The following DCAF6 variants were observed in gnomAD, a reference collection of about 807,000 sequenced individuals.
The protein encoded by DCAF6 is DDB1 and CUL4 associated factor 6, also known as DDB1- and CUL4-associated factor 6.
A neutral mutation model predicts 125.1 loss-of-function variants in DCAF6; 54 were observed. That is an observed-to-expected ratio of 0.43 (90% CI 0.35 to 0.54). The LOEUF (loss-of-function observed/expected upper bound fraction) is 0.54. Ranked by LOEUF, DCAF6 falls within the 20% of genes least tolerant of loss-of-function variation. DCAF6 has a pLI of 0.01. For synonymous variants in DCAF6, 371 were observed against 390.4 expected (o/e 0.95, Z 0.58); for missense variants, 934 against 1,161.7 (o/e 0.80, Z 2.85).
chr1:167,914,990 C>A, the DCAF6 span, among the ~76,000 whole-genome samples: 1 of 152,098 alleles, frequency 6.6e-6, no homozygotes, highest in Non-Finnish European at 1.5e-5. Context: ...AGAATCATAC[C>A]TCATTTAATT....
Position 167,939,899 on chromosome 1 carries a change from T to C in DCAF6, c.97+2891T>C, listed in dbSNP as rs140623896. On this transcript the variant is annotated intron_variant, in intron 1 of 21. Transcript: ENST00000367840. Reference sequence around the variant, plus strand: ...CTTCAATATTTAAACATTACGATTGTCTATCTACAGGGTTGTAGATTTAAG... The same window carrying C: ...CTTCAATATTTAAACATTACGATTGCCTATCTACAGGGTTGTAGATTTAAG... Among the ~76,000 whole-genome samples, 830 of 152,362 alleles carry C rather than the reference T, an allele frequency of 5.4e-3. 8 individuals are homozygous for C. The highest frequency in any genetic ancestry group is 0.018 in the African/African-American group (756 of 41,578).
In DCAF6 at chr1:168,050,887, A is replaced by G. The variant is rs764178146; in HGVS notation, c.2259-5A>G. The stretch of plus-strand genomic sequence containing the variant: ...TGATTTCAGTTATTGTGTTCCCTTC[A>G]CTAGATTTAATATCAGAGGAACAAC... On this transcript the variant is annotated splice_polypyrimidine_tract_variant and splice_region_variant and intron_variant, in intron 16 of 21. Coordinates refer to ENST00000367840, the MANE Select transcript of DCAF6 (RefSeq NM_001198956.2). 3 of 1,352,612 alleles carry G rather than the reference A, an allele frequency of 2.2e-6. No individual in the cohort carries two copies. Among genetic ancestry groups the G allele is most frequent in the Non-Finnish European group, 2.9e-6 (3 of 1,024,834 alleles). The allele number at this position is 1,352,612 out of a possible 1,614,324, so 83.8% of individuals were successfully genotyped here.
At position 168,045,001 on chromosome 1, in the gene DCAF6, T is replaced by G. The variant is rs1688988134; in HGVS notation, c.2032T>G (p.Ser678Ala). 6.2e-7 allele frequency: 1 copy of G among 1,613,966 alleles called. No individual in the cohort carries two copies. Among genetic ancestry groups the G allele is most frequent in the Admixed American group, 1.7e-5 (1 of 59,984 alleles). ...RSCGVPEESA[S>A]SEKAKEPETS... ...TTGTGGGGTTCCAGAAGAATCTGCT[T>G]CATCTGAAAAAGCCAAGGAACCAGA... Residue 678 changes from serine (S) to alanine (A), a missense_variant, in exon 16 of 22, where the codon TCA becomes GCA. By Grantham distance (99) the Ser-to-Ala change is moderately conservative. This residue lies in a region of DCAF6 where 559 missense variants were observed against 635.5 expected (regional missense o/e 0.88). Coordinates refer to ENST00000367840, the MANE Select transcript of DCAF6 (RefSeq NM_001198956.2).
intron 11 of DCAF6, among the ~76,000 whole-genome samples, chr1:168,022,126 C>G (rs1434992627): frequency 6.6e-6 from 1 of 151,922 alleles, no homozygotes; most frequent in Non-Finnish European, 1.5e-5. Context: ...TTGCTAATTA[C>G]TGTCAGAATC....
intron 12 of DCAF6, 73 bp from the exon 13 acceptor site, chr1:168,038,298 T>C: frequency 8.9e-7 from 1 of 1,126,272 alleles, no homozygotes; most frequent in Non-Finnish European, 1.3e-6. Flanking sequence ...ATATAAGTTT[T>C]ATAAATTTTA....
chr1:167,971,456 C>A (rs186944078), intron 3 of DCAF6, among the ~76,000 whole-genome samples: 2 of 152,052 alleles, frequency 1.3e-5, no homozygotes, highest in African/African-American at 4.8e-5. Flanking sequence ...ATATTCGATA[C>A]CTCAGACAGG....
At chr1:168,044,369 G>T (rs989569147) in intron 14 of DCAF6, among the ~76,000 whole-genome samples, 2 of 152,102 alleles carry the variant, frequency 1.3e-5, no homozygotes, top group African/African-American at 4.8e-5. Context: ...CAATAACAGC[G>T]TAGCAACCGC....
chr1:167,935,701 G>T, upstream of DCAF6: 1 of 1,525,184 alleles, frequency 6.6e-7, no homozygotes, highest in South Asian at 1.2e-5. Context: ...GAGAAGGAAG[G>T]TCTCGATAAG....
chr1:167,944,935 A>G (rs11585320), intron 1 of DCAF6, among the ~76,000 whole-genome samples: 15,786 of 152,218 alleles, frequency 0.1, 912 homozygotes, highest in African/African-American at 0.14. Context: ...ATTCTTCTGC[A>G]TATGGATATC....
At chr1:167,968,569 A>G (rs902744680) in intron 3 of DCAF6, 1 of 152,446 alleles carries the variant, frequency 6.6e-6, no homozygotes, top group African/African-American at 2.4e-5. Context: ...ACGTGGGGAA[A>G]TGAGGCAGGA....
intron 17 of DCAF6, among the ~76,000 whole-genome samples, chr1:168,060,402 T>G (rs1330295873): frequency 6.6e-6 from 1 of 151,978 alleles, no homozygotes; most frequent in Non-Finnish European, 1.5e-5. Context: ...CCCAGGCTGG[T>G]CTTGAACTCC....
At chr1:167,899,239 C>T in the DCAF6 span, among the ~76,000 whole-genome samples, 1 of 152,216 alleles carries the variant, frequency 6.6e-6, no homozygotes, top group African/African-American at 2.4e-5. Flanking sequence ...CTCAAGCTCA[C>T]CAGCCTGGGC....
chr1:167,927,690 G>A, the DCAF6 span, among the ~76,000 whole-genome samples: 12 of 147,492 alleles, frequency 8.1e-5, no homozygotes, highest in Admixed American at 2.0e-4. Flanking sequence ...GTTAATAGTC[G>A]ATCTTTTCAG....
the DCAF6 span, among the ~76,000 whole-genome samples, chr1:167,902,492 T>C: frequency 1.5e-3 from 225 of 152,360 alleles, 1 homozygote; most frequent in African/African-American, 5.2e-3. Context: ...CCATAGTCAC[T>C]TGCATTTTTG....
At chr1:167,954,237 C>T (rs1674414841) in intron 2 of DCAF6, among the ~76,000 whole-genome samples, 1 of 152,080 alleles carries the variant, frequency 6.6e-6, no homozygotes, top group South Asian at 2.1e-4. Flanking sequence ...AACTCCTGAC[C>T]TCAGGTGATC....
chr1:167,906,541 A>G, the DCAF6 span, among the ~76,000 whole-genome samples: 2 of 150,708 alleles, frequency 1.3e-5, no homozygotes, highest in South Asian at 4.2e-4. Context: ...TAATCCCAGC[A>G]CTTTGGGAGG....
intron 12 of DCAF6, among the ~76,000 whole-genome samples, chr1:168,036,737 C>T (rs1196531411): frequency 2.0e-5 from 3 of 152,114 alleles, no homozygotes; most frequent in Non-Finnish European, 4.4e-5. Context: ...TATCAGAATG[C>T]CATTTGGTAA....
At chr1:167,992,480 A>G (rs576324410) in intron 6 of DCAF6, among the ~76,000 whole-genome samples, 177 of 152,340 alleles carry the variant, frequency 1.2e-3, no homozygotes, top group Non-Finnish European at 1.9e-3. Context: ...ATAATAATTG[A>G]GGAGTCCAGT....
chr1:167,904,901 G>C, the DCAF6 span: 1 of 1,558,808 alleles, frequency 6.4e-7, no homozygotes, highest in Non-Finnish European at 8.8e-7. Flanking sequence ...GCTCCAGAAT[G>C]GCCTCCCTAC....
Sources: gnomAD v4.1 joint callset for allele counts (sites outside exome capture counted in the v4.1 genomes callset) on GRCh38, gnomAD v4.1.1 for gene constraint, gnomAD v4.1.1 regional missense constraint, MANE v1.5 for transcripts, NCBI Gene and HGNC (gene_info 2026-07-23, HGNC 2026-07-21) for gene names.